CREB1: variants seen among roughly 807,000 people sequenced by gnomAD.
CREB1 encodes cyclic AMP-responsive element-binding protein 1.
CREB1 carries 2 observed loss-of-function variants against 42.0 expected under a neutral mutation model. That is an observed-to-expected ratio of 0.05 (90% CI 0.02 to 0.15). The LOEUF (loss-of-function observed/expected upper bound fraction) is 0.15. CREB1 is among the 10% of genes least tolerant of loss of function. The pLI is 1.00. For missense variants in CREB1, 199 were observed against 388.9 expected (o/e 0.51, Z 4.11); for synonymous variants, 123 against 139.9 (o/e 0.88, Z 0.85).
At chr2:207,550,690 AT>A (rs2081471320) in intron 1 of CREB1, 1 of 152,148 alleles carries the variant, frequency 6.6e-6, no homozygotes, top group South Asian at 2.1e-4. Context: ...TTTGATGAAG[AT>A]TTTTGTTAAC....
chr2:207,532,606 G>C (rs530406722), intron 1 of CREB1, among the ~76,000 whole-genome samples: 1 of 151,748 alleles, frequency 6.6e-6, no homozygotes, highest in South Asian at 2.1e-4. Context: ...CCAGGAGGTG[G>C]AGATTGCAGT....
intron 2 of CREB1, 57 bp downstream of exon 2, chr2:207,555,806 C>A: frequency 8.7e-7 from 1 of 1,146,550 alleles, no homozygotes; most frequent in Non-Finnish European, 1.3e-6. Context: ...AATACGTTTC[C>A]AAGAGAATTT....
At chr2:207,564,352 T>A (rs910564670) in intron 3 of CREB1, among the ~76,000 whole-genome samples, 7 of 151,742 alleles carry the variant, frequency 4.6e-5, no homozygotes, top group African/African-American at 7.3e-5. Context: ...TACAAAAAAA[T>A]TAAAAATTAG....
chr2:207,544,925 T>G (rs941201961), intron 1 of CREB1, among the ~76,000 whole-genome samples: 1 of 152,244 alleles, frequency 6.6e-6, no homozygotes, highest in Non-Finnish European at 1.5e-5. Flanking sequence ...TGCATAGTAT[T>G]TCATGGTGTG....
rs535855298 is a variant in CREB1 at position 207,605,391 on chromosome 2, T to C, written c.*8333T>C. On this transcript the variant is annotated 3_prime_UTR_variant, in exon 8 of 8. Coordinates refer to ENST00000353267, the MANE Select transcript of CREB1 (RefSeq NM_004379.5). ...AATGTCTGTTGAGGTCCTTTGTTCA[T>C]TGAAATTTTGTTGTTGGGTTCTGAG... Among the ~76,000 whole-genome samples, 3 of 152,364 alleles carry C rather than the reference T, an allele frequency of 2.0e-5. No homozygotes were observed. The highest frequency in any genetic ancestry group is 4.1e-4 in the South Asian group (2 of 4,830).
At chr2:207,584,045 A>G (rs184334358) in intron 7 of CREB1, among the ~76,000 whole-genome samples, 1 of 152,332 alleles carries the variant, frequency 6.6e-6, no homozygotes, top group East Asian at 1.9e-4. Flanking sequence ...CATTTTATAG[A>G]TATACTGTGC....
Position 207,602,171 on chromosome 2 carries a change from A to G in CREB1, c.*5113A>G, listed in dbSNP as rs2087175022. The G allele has an allele frequency of 5.1e-6, 1 of 194,982 alleles. No homozygotes were observed. Among genetic ancestry groups the G allele is most frequent in the Non-Finnish European group, 1.1e-5 (1 of 93,728 alleles). 12.1% of individuals were successfully genotyped at this position (194,982 alleles called of 1,614,324 possible). The stretch of plus-strand genomic sequence containing the variant: ...AGACCGACTTTAAGAGGGACCAGAT[A>G]ACGTTTGAATGGAGGGATTATATTT... On this transcript the variant is annotated 3_prime_UTR_variant, in exon 8 of 8. Coordinates refer to ENST00000353267, the MANE Select transcript of CREB1 (RefSeq NM_004379.5).
rs571371549 is a variant in CREB1 at position 207,539,920 on chromosome 2, C to A, written c.-9+9786C>A. Among the ~76,000 whole-genome samples, 3 of 152,242 alleles carry A rather than the reference C, an allele frequency of 2.0e-5. No homozygotes were observed. In the East Asian group the frequency reaches 5.8e-4, roughly 29 times the overall value. ...AAGAAAGTATTAGATTATAGATCTACATTTTGAGGAATGCTGAGTATGAGG... is the reference window on the plus strand; with the variant it reads ...AAGAAAGTATTAGATTATAGATCTAAATTTTGAGGAATGCTGAGTATGAGG... On this transcript the variant is annotated intron_variant, in intron 1 of 7. Transcript: ENST00000353267.
In CREB1 at chr2:207,603,790, G is replaced by C. The variant is rs756632384; in HGVS notation, c.*6732G>C. On this transcript the variant is annotated 3_prime_UTR_variant, in exon 8 of 8. Transcript: ENST00000353267. ...TCCCCTTGCAATTCTAAAACTCTGT[G>C]ATCATATAAATTGGAAGGAAAGGGG... Among the ~76,000 whole-genome samples the C allele has an allele frequency of 1.3e-4, 20 of 152,200 alleles. No individual in the cohort carries two copies. Among genetic ancestry groups the C allele is most frequent in the South Asian group, 2.1e-4 (1 of 4,824 alleles).
chr2:207,594,838 C>T (rs1421794904), intron 7 of CREB1, among the ~76,000 whole-genome samples: 1 of 152,134 alleles, frequency 6.6e-6, no homozygotes, highest in Non-Finnish European at 1.5e-5. Flanking sequence ...TTCCTACCAA[C>T]AGTACACAAG....
intron 1 of CREB1, chr2:207,534,797 A>G (rs1016244924): frequency 5.3e-5 from 8 of 152,204 alleles, no homozygotes; most frequent in Non-Finnish European, 7.3e-5. Context: ...CTCTTGCCCT[A>G]TTACCTAAGT....
intron 1 of CREB1, among the ~76,000 whole-genome samples, chr2:207,554,531 C>G (rs921051993): frequency 1.1e-4 from 17 of 152,268 alleles, no homozygotes; most frequent in Admixed American, 2.0e-4. Flanking sequence ...GAAACATTGC[C>G]TATTTTCCTG....
At chr2:207,553,379 TTTG>T (rs1249841719) in intron 1 of CREB1, among the ~76,000 whole-genome samples, 2 of 152,090 alleles carry the variant, frequency 1.3e-5, no homozygotes, top group East Asian at 1.9e-4. Flanking sequence ...CAGGTAAACT[TTTG>T]TTGTTGTTGT....
chr2:207,576,241 C>CTTTTTTTTTTTTTTTTTTTTTTTT (rs35735523), intron 6 of CREB1, among the ~76,000 whole-genome samples: 9 of 101,066 alleles, frequency 8.9e-5, no homozygotes, highest in African/African-American at 1.5e-4. Context: ...CTTTTTTTGG[C>CTTTTTTTTTTTTTTTTTTTTTTTT]TTTTTTTTTT....
At chr2:207,542,422 A>G (rs895281008) in intron 1 of CREB1, among the ~76,000 whole-genome samples, 2 of 152,194 alleles carry the variant, frequency 1.3e-5, no homozygotes, top group Admixed American at 6.5e-5. Flanking sequence ...CCTCACGACT[A>G]ATGATATCAA....
chr2:207,555,412 T>G (rs1339368016), intron 1 of CREB1, among the ~76,000 whole-genome samples: 2 of 152,200 alleles, frequency 1.3e-5, no homozygotes, highest in African/African-American at 2.4e-5. Flanking sequence ...AGAAGAAATG[T>G]TTTTTTCTTC....
At chr2:207,554,676 C>T (rs551714365) in intron 1 of CREB1, among the ~76,000 whole-genome samples, 1 of 152,264 alleles carries the variant, frequency 6.6e-6, no homozygotes, top group South Asian at 2.1e-4. Context: ...TACAAATATA[C>T]TAAGTGCTTA....
At chr2:207,557,434 A>G (rs1217716594) in intron 2 of CREB1, among the ~76,000 whole-genome samples, 1 of 152,146 alleles carries the variant, frequency 6.6e-6, no homozygotes, top group Non-Finnish European at 1.5e-5. Flanking sequence ...TATAATCCCC[A>G]CACTTTGGGA....
At chr2:207,576,347 A>G (rs911471641) in intron 6 of CREB1, among the ~76,000 whole-genome samples, 12 of 149,348 alleles carry the variant, frequency 8.0e-5, no homozygotes, top group African/African-American at 3.0e-4. Flanking sequence ...TCAAGAATAT[A>G]GTTAATGCCA....
Sources: allele counts gnomAD v4.1 joint callset (sites outside exome capture counted in the v4.1 genomes callset), GRCh38; gene constraint gnomAD v4.1.1; transcripts MANE v1.5; gene names NCBI Gene and HGNC (gene_info 2026-07-23, HGNC 2026-07-21).